ASB14: variants seen among roughly 807,000 people sequenced by gnomAD.
ASB14 encodes the protein ankyrin repeat and SOCS box protein 14.
A neutral mutation model predicts 55.6 loss-of-function variants in ASB14; 63 were observed. The ratio of observed to expected loss-of-function variants is 1.13; its 90% CI spans 0.92 to 1.40. The LOEUF is 1.40. Ranked by LOEUF, ASB14 falls within the 40% of genes most tolerant of loss-of-function variation. ASB14 has a pLI of 0.00. For missense variants in ASB14, 724 were observed against 710.4 expected, an observed-to-expected ratio of 1.02 and a Z score of -0.22; for synonymous variants, 256 against 259.9, an observed-to-expected ratio of 0.98 and a Z score of 0.15.
At chr3:57,271,742 G>C (rs1175047255) in intron 10 of ASB14, 2 of 152,146 alleles carry the variant, frequency 1.3e-5, no homozygotes, top group Non-Finnish European at 2.9e-5. Context: ...TAGGGATGCT[G>C]GACAGACCTG....
In ASB14 at chr3:57,283,219, T is replaced by C. The variant is rs1333222102; in HGVS notation, c.690A>G (p.Glu230=). 1 of 1,552,182 alleles carries C rather than the reference T, an allele frequency of 6.4e-7. No homozygotes were observed. The part of the protein sequence containing the change: ...LALAAQSGHT[E]IMEMLLRKGA... Reference sequence around the variant, plus strand: ...CTTTCCGCAGTAACATTTCCATGATTTCAGTGTGTCCACTTTGGGCAGCAA... The same window carrying C: ...CTTTCCGCAGTAACATTTCCATGATCTCAGTGTGTCCACTTTGGGCAGCAA... Residue 230 remains glutamate (E), a synonymous_variant, in exon 6 of 11, where the codon GAA becomes GAG. Coordinates refer to ENST00000487349, the MANE Select transcript of ASB14 (RefSeq NM_001142733.3).
intron 5 of ASB14, among the ~76,000 whole-genome samples, chr3:57,286,987 T>A (rs1280086889): frequency 6.6e-6 from 1 of 152,232 alleles, no homozygotes; most frequent in African/African-American, 2.4e-5. Context: ...CTGCTCATAT[T>A]TTTAATTTTC....
Position 57,288,228 on chromosome 3 carries a change from A to G in ASB14, c.237T>C (p.Asp79=), listed in dbSNP as rs1415324334. ...TATGCAGAGGAATCCAGCCTATCTC[A>G]TCTGCTTCACCAAATGCGGAATGGT... The part of the protein sequence containing the change: ...TKYHSAFGEA[D]EIGWIPLHKA... The change falls in exon 4 of 11, where the codon GAT becomes GAC. Residue 79 remains aspartate, a synonymous_variant. Coordinates refer to ENST00000487349, the MANE Select transcript of ASB14 (RefSeq NM_001142733.3). 6.5e-7 allele frequency: 1 copy of G among 1,536,424 alleles called. No individual in the cohort carries two copies. The highest frequency in any genetic ancestry group is 8.7e-7 in the Non-Finnish European group (1 of 1,146,046).
rs570479621 is a variant in ASB14 at position 57,280,420 on chromosome 3, C to G, written c.769G>C (p.Ala257Pro). The G allele has an allele frequency of 5.8e-6, 9 of 1,551,218 alleles. No individual in the cohort carries two copies. Among genetic ancestry groups the G allele is most frequent in the Non-Finnish European group, 6.1e-6 (7 of 1,146,630 alleles). Residue 257 changes from alanine to proline, a missense_variant, in exon 7 of 11, where the codon GCA (alanine) becomes CCA (proline). Transcript: ENST00000487349. ...ACAGCATCTGGATTTCCTCCACTTG[C>G]GGCTTCAAGTAAGATGGAAGAAGAA... is the stretch of plus-strand genomic sequence containing the variant. ...SDSSSILLEA[A>P]SGGNPDAVAL... is the part of the protein sequence containing the mutation.
At chr3:57,285,476 T>C (rs1437897602) in intron 5 of ASB14, among the ~76,000 whole-genome samples, 1 of 152,118 alleles carries the variant, frequency 6.6e-6, no homozygotes, top group Non-Finnish European at 1.5e-5. Context: ...AGGATTTAAC[T>C]TTTTTTCCTC....
Position 57,276,663 on chromosome 3 carries a change from A to C in ASB14, c.1651T>G (p.Leu551Val), listed in dbSNP as rs555966043. 4 of 1,613,982 alleles carry C rather than the reference A, an allele frequency of 2.5e-6. No homozygotes were observed. The highest frequency in any genetic ancestry group is 3.4e-6 in the Non-Finnish European group (4 of 1,179,970). ...AATGACATGAAGACAGGGCAGCGCAAATGTAACCGTCCCATGCATTTCCGG... is the reference window on the plus strand; with the variant it reads ...AATGACATGAAGACAGGGCAGCGCACATGTAACCGTCCCATGCATTTCCGG... ...KIRKCMGRLH[L>V]RCPVFMSFLP... Residue 551 changes from leucine to valine, a missense_variant, in exon 10 of 11, where the codon TTG (leucine) becomes GTG (valine). Transcript: ENST00000487349.
Position 57,268,463 on chromosome 3 carries a change from C to T in ASB14, c.*1178G>A, listed in dbSNP as rs929223190. On this transcript the variant is annotated 3_prime_UTR_variant, in exon 11 of 11. Transcript: ENST00000487349. ...TAAAAGAGAAGCAACAGAAAGAACT[C>T]AATAAACAAAAACAGATTGAAAAGG... 6.2e-7 allele frequency: 1 copy of T among 1,604,724 alleles called. No individual in the cohort carries two copies. Among genetic ancestry groups the T allele is most frequent in the Non-Finnish European group, 8.5e-7 (1 of 1,175,738 alleles).
chr3:57,284,328 G>T (rs2061063557), intron 5 of ASB14, among the ~76,000 whole-genome samples: 1 of 152,014 alleles, frequency 6.6e-6, no homozygotes, highest in Non-Finnish European at 1.5e-5. Flanking sequence ...TGCAGTCTTG[G>T]TATGTTGCCC....
chr3:57,286,107 A>T (rs936617873), intron 5 of ASB14, among the ~76,000 whole-genome samples: 12 of 152,306 alleles, frequency 7.9e-5, no homozygotes, highest in African/African-American at 2.9e-4. Context: ...CAGAATCTGT[A>T]AAACTATTAT....
chr3:57,276,813 G>C, intron 9 of ASB14, 85 bp from the exon 10 acceptor site: 1 of 1,292,312 alleles, frequency 7.7e-7, no homozygotes, highest in East Asian at 2.4e-5. Flanking sequence ...GTATTTGATA[G>C]CATTTCATTT....
At chr3:57,291,450 T>C (rs2061129188) in intron 2 of ASB14, among the ~76,000 whole-genome samples, 1 of 152,196 alleles carries the variant, frequency 6.6e-6, no homozygotes, top group South Asian at 2.1e-4. Flanking sequence ...ACTCTGAATC[T>C]ACACTTTCAG....
intron 7 of ASB14, among the ~76,000 whole-genome samples, chr3:57,279,921 G>A (rs959835065): frequency 6.6e-5 from 10 of 152,076 alleles, no homozygotes; most frequent in East Asian, 5.8e-4. Flanking sequence ...GGGGTTGGGG[G>A]GGAACCGTGT....
At chr3:57,291,157 T>C (rs1559525970) in intron 2 of ASB14, among the ~76,000 whole-genome samples, 1 of 152,214 alleles carries the variant, frequency 6.6e-6, no homozygotes, top group Admixed American at 6.5e-5. Flanking sequence ...TGTTACATTT[T>C]AAAAATACTA....
In ASB14 at chr3:57,269,622, A is replaced by G; in HGVS notation, c.*23-4T>C. The G allele has an allele frequency of 6.2e-7, 1 of 1,614,136 alleles. No homozygotes were observed. Among genetic ancestry groups the G allele is most frequent in the Non-Finnish European group, 8.5e-7 (1 of 1,179,994 alleles). ...TAGTGAGGGGCAGTTTGTTGTCCTT[A>G]GCAGTAGCCAGTCAGAAGAGAGTGA... On this transcript the variant is annotated splice_region_variant and splice_polypyrimidine_tract_variant and intron_variant, in intron 10 of 10. Transcript: ENST00000487349.
At chr3:57,288,665 G>A (rs1220545366) in intron 3 of ASB14, among the ~76,000 whole-genome samples, 1 of 150,878 alleles carries the variant, frequency 6.6e-6, no homozygotes, top group East Asian at 2.0e-4. Context: ...GGCTTCCTGA[G>A]CTTCGAGGGG....
chr3:57,283,320 C>T lies in ASB14; in HGVS notation c.589G>A (p.Asp197Asn), dbSNP rs1559522863. ...GAAACCAGCATAAGCTTCACCATGT[C>T]CTCTCTGCCCAGTTTGGCTGCTTCG... The part of the protein sequence containing the change: ...LHEAAKLGRE[D>N]MVKLMLVSGA... The change falls in exon 6 of 11, where the codon GAC (aspartate) becomes AAC (asparagine). Residue 197 changes from aspartate to asparagine, a missense_variant. Coordinates refer to ENST00000487349, the MANE Select transcript of ASB14 (RefSeq NM_001142733.3). 3 of 1,551,856 alleles carry T rather than the reference C, an allele frequency of 1.9e-6. No individual in the cohort carries two copies. Among genetic ancestry groups the T allele is most frequent in the South Asian group, 1.2e-5 (1 of 84,064 alleles).
At chr3:57,287,143 C>T (rs893443501) in intron 5 of ASB14, among the ~76,000 whole-genome samples, 1 of 152,212 alleles carries the variant, frequency 6.6e-6, no homozygotes, top group African/African-American at 2.4e-5. Context: ...AGATTTTCCT[C>T]AGATAGCCTT....
chr3:57,284,816 G>A (rs561870770), intron 5 of ASB14, among the ~76,000 whole-genome samples: 2 of 152,158 alleles, frequency 1.3e-5, no homozygotes, highest in Non-Finnish European at 2.9e-5. Context: ...TCTCAGAGAA[G>A]GCTTTTCTGC....
At position 57,278,928 on chromosome 3, in the gene ASB14, A is replaced by G. The variant is rs1459158570; in HGVS notation, c.888-8T>C. The G allele has an allele frequency of 1.9e-6, 3 of 1,605,000 alleles. No individual in the cohort carries two copies. The highest frequency in any genetic ancestry group is 2.6e-6 in the Non-Finnish European group (3 of 1,173,688). ...ATCAGTATCTTTAGAGCTCTGAGAA[A>G]GAATTTCAAAATGCATTTCAACATT... On this transcript the variant is annotated splice_polypyrimidine_tract_variant and splice_region_variant and intron_variant, in intron 7 of 10. Transcript: ENST00000487349.
Sources: gnomAD v4.1 joint callset for allele counts (sites outside exome capture counted in the v4.1 genomes callset) on GRCh38, gnomAD v4.1.1 for gene constraint, MANE v1.5 for transcripts, NCBI Gene and HGNC (gene_info 2026-07-23, HGNC 2026-07-21) for gene names.